DCN: variants seen among roughly 807,000 people sequenced by gnomAD.
DCN encodes bone proteoglycan II.
In DCN, 17 loss-of-function variants were observed where a neutral mutation model predicts 36.5. That is an observed-to-expected ratio of 0.47 (90% CI 0.32 to 0.70). The LOEUF (loss-of-function observed/expected upper bound fraction) is 0.70, where lower values mean the gene tolerates loss of function less well. Among genes scored for constraint, DCN ranks in the 30% least tolerant of loss-of-function variants. DCN has a pLI of 0.04. For synonymous variants in DCN, 163 were observed against 161.4 expected (o/e 1.01, Z -0.07); for missense variants, 389 against 430.1 (o/e 0.90, Z 0.84).
At chr12:91,170,429 G>A (rs1882888256) in intron 2 of DCN, among the ~76,000 whole-genome samples, 1 of 152,160 alleles carries the variant, frequency 6.6e-6, no homozygotes, top group South Asian at 2.1e-4. Context: ...TGTCTTGACA[G>A]TTATTTCCTG....
chr12:91,174,271 G>T (rs1279329274), intron 2 of DCN, among the ~76,000 whole-genome samples: 1 of 152,024 alleles, frequency 6.6e-6, no homozygotes, highest in Non-Finnish European at 1.5e-5. Flanking sequence ...CTTTAGAGAG[G>T]TGGAGAGAGA....
chr12:91,157,025 A>C (rs375956828), intron 5 of DCN, 50 bp downstream of exon 5: 3 of 1,342,652 alleles, frequency 2.2e-6, no homozygotes, highest in Non-Finnish European at 3.2e-6. Flanking sequence ...TTTTTAATTA[A>C]AGCCTTTGAA....
rs1173744508 is a variant in DCN at position 91,143,741 on chromosome 12, A to G, written c.*2317T>C. 1 of 151,566 alleles carries G rather than the reference A, an allele frequency of 6.6e-6. No individual in the cohort carries two copies. The highest frequency in any genetic ancestry group is 2.4e-5 in the African/African-American group (1 of 41,306). The allele number at this position is 151,566 out of a possible 1,614,324, so 9.4% of individuals were successfully genotyped here. Reference sequence around the variant, plus strand: ...TAGTCATGCAAATAGTAAGTGTCGAAGCCAAAGAAATCAGCTATATTTATC... The same window carrying G: ...TAGTCATGCAAATAGTAAGTGTCGAGGCCAAAGAAATCAGCTATATTTATC... On this transcript the variant is annotated 3_prime_UTR_variant, in exon 8 of 8. Transcript: ENST00000052754.
At position 91,178,327 on chromosome 12, in the gene DCN, C is replaced by T. The variant is rs768166776; in HGVS notation, c.211+15G>A. The T allele has an allele frequency of 6.2e-7, 1 of 1,608,158 alleles. No individual in the cohort carries two copies. The highest frequency in any genetic ancestry group is 8.5e-7 in the Non-Finnish European group (1 of 1,175,092). On this transcript the variant is annotated intron_variant, in intron 2 of 7. Transcript: ENST00000052754. ...AACAAGTAAGGTAGGTAAAGAGAAA[C>T]TGCATCCCACTCACCCAAATCAGAA...
rs752982055 is a variant in DCN, at chr12:91,153,188, A to T, written c.654T>A (p.Gly218=). 2 of 1,561,974 alleles carry T rather than the reference A, an allele frequency of 1.3e-6. No individual in the cohort carries two copies. The highest frequency in any genetic ancestry group is 1.8e-6 in the Non-Finnish European group (2 of 1,132,762). Residue 218 remains glycine, a splice_region_variant and synonymous_variant, in exon 6 of 8, where the codon GGT becomes GGA. Transcript: ENST00000052754. ...ADTNITSIPQ[G]LPPSLTELHL... is the part of the protein sequence containing the mutation. ...GTAATTCCGTAAGGGAAGGAGGAAG[A>T]CCTGGAATGTGGAATTAAAGATGTT...
chr12:91,141,757 A>G lies in DCN; in HGVS notation c.*4301T>C, dbSNP rs1326335178. 4 of 152,168 alleles carry G rather than the reference A, an allele frequency of 2.6e-5. No homozygotes were observed. Among genetic ancestry groups the G allele is most frequent in the Non-Finnish European group, 5.9e-5 (4 of 68,034 alleles). 9.4% of individuals were successfully genotyped at this position (152,168 alleles called of 1,614,324 possible). The stretch of plus-strand genomic sequence containing the variant: ...TGCTTGTTCCTGATGGCCTGGAAGC[A>G]TTCATTCAGCCCTCACAGTCACTGC... On this transcript the variant is annotated 3_prime_UTR_variant, in exon 8 of 8. Transcript: ENST00000052754.
chr12:91,154,933 G>A (rs978128301), intron 5 of DCN, among the ~76,000 whole-genome samples: 6 of 152,018 alleles, frequency 3.9e-5, no homozygotes, highest in African/African-American at 1.4e-4. Flanking sequence ...ACTGAGTTAG[G>A]TCTCTCACCC....
chr12:91,170,075 A>G (rs1007093155), intron 2 of DCN, among the ~76,000 whole-genome samples: 16 of 151,948 alleles, frequency 1.1e-4, no homozygotes, highest in East Asian at 3.9e-4. Context: ...AAAAAAAAAA[A>G]AAAGAAAAAG....
Position 91,145,797 on chromosome 12 carries a change from A to G in DCN, c.*261T>C, listed in dbSNP as rs1043714633. 1 of 477,198 alleles carries G rather than the reference A, an allele frequency of 2.1e-6. No individual in the cohort carries two copies. Among genetic ancestry groups the G allele is most frequent in the Non-Finnish European group, 3.8e-6 (1 of 263,748 alleles). The allele number at this position is 477,198 out of a possible 1,614,324, so 29.6% of individuals were successfully genotyped here. On this transcript the variant is annotated 3_prime_UTR_variant, in exon 8 of 8. Coordinates refer to ENST00000052754, the MANE Select transcript of DCN (RefSeq NM_001920.5). The stretch of plus-strand genomic sequence containing the variant: ...CATATATATTTACTCCAAATTTTAC[A>G]TTTAGTGAAATAAGAATATCTCTAG...
chr12:91,152,300 C>CATATATATAT (rs139523647), intron 6 of DCN, among the ~76,000 whole-genome samples: 13 of 146,510 alleles, frequency 8.9e-5, no homozygotes, highest in African/African-American at 3.4e-4. Context: ...CACACACATG[C>CATATATATAT]ATATATATAT....
At position 91,145,352 on chromosome 12, in the gene DCN, G is replaced by T. The variant is rs146706115; in HGVS notation, c.*706C>A. 6.5e-6 allele frequency: 1 copy of T among 153,182 alleles called. No homozygotes were observed. The highest frequency in any genetic ancestry group is 1.5e-5 in the Non-Finnish European group (1 of 68,520). The allele number at this position is 153,182 out of a possible 1,614,324, so 9.5% of individuals were successfully genotyped here. A position where few individuals can be genotyped will look rare whatever the true frequency, so the allele number is the denominator to read the frequency against. On this transcript the variant is annotated 3_prime_UTR_variant, in exon 8 of 8. Transcript: ENST00000052754. ...GAAATGTATGCTTTGTGCTTTATAA[G>T]CTTACATTCAACATAGATGACATAA...
chr12:91,157,815 AG>A (rs1881892601), intron 4 of DCN, among the ~76,000 whole-genome samples: 1 of 152,048 alleles, frequency 6.6e-6, no homozygotes. Context: ...TTTTTAGTAG[AG>A]ATGGGGTTTC....
chr12:91,177,780 TAAAG>T (rs1472715044), intron 2 of DCN: 2 of 683,968 alleles, frequency 2.9e-6, no homozygotes, highest in African/African-American at 3.5e-5. Flanking sequence ...ATGTCAAAAG[TAAAG>T]ACAAAACTAA....
intron 1 of DCN, among the ~76,000 whole-genome samples, chr12:91,178,966 A>G (rs1883461798): frequency 1.3e-5 from 2 of 152,108 alleles, no homozygotes; most frequent in South Asian, 4.1e-4. Context: ...GGAGATCTCC[A>G]ATTTCTGCTT....
Position 91,142,138 on chromosome 12 carries a change from G to C in DCN, c.*3920C>G, listed in dbSNP as rs1196185018. ...CTTGAATACATAAACAGATCCACTA[G>C]AAGGAATGTTTTAGCAATAAGTGTG... On this transcript the variant is annotated 3_prime_UTR_variant, in exon 8 of 8. Transcript: ENST00000052754. The C allele has an allele frequency of 6.6e-6, 1 of 152,158 alleles. No homozygotes were observed. Among genetic ancestry groups the C allele is most frequent in the African/African-American group, 2.4e-5 (1 of 41,432 alleles). 9.4% of individuals were successfully genotyped at this position (152,158 alleles called of 1,614,324 possible). A position where few individuals can be genotyped will look rare whatever the true frequency, so the allele number is the denominator to read the frequency against.
intron 2 of DCN, among the ~76,000 whole-genome samples, chr12:91,173,567 G>A (rs534744275): frequency 6.6e-6 from 1 of 152,188 alleles, no homozygotes; most frequent in South Asian, 2.1e-4. Flanking sequence ...CAATCCAGTG[G>A]TCATACTCTG....
chr12:91,155,620 AT>A (rs1881718095), intron 5 of DCN, among the ~76,000 whole-genome samples: 1 of 124,636 alleles, frequency 8.0e-6, no homozygotes, highest in African/African-American at 3.5e-5. Context: ...AATAAGATCT[AT>A]CTATCTATCT....
chr12:91,165,121 TTACTC>T (rs1251065859), intron 2 of DCN, among the ~76,000 whole-genome samples: 1 of 152,216 alleles, frequency 6.6e-6, no homozygotes, highest in Non-Finnish European at 1.5e-5. Context: ...GTGTCAATAA[TTACTC>T]TAGCCAAATC....
At chr12:91,176,305 G>C (rs1295662413) in intron 2 of DCN, 1 of 151,848 alleles carries the variant, frequency 6.6e-6, no homozygotes, top group African/African-American at 2.4e-5. Flanking sequence ...TATAATTTTA[G>C]CTACTTCCTT....
Sources: allele counts gnomAD v4.1 joint callset (sites outside exome capture counted in the v4.1 genomes callset), GRCh38; gene constraint gnomAD v4.1.1; transcripts MANE v1.5; gene names NCBI Gene and HGNC (gene_info 2026-07-23, HGNC 2026-07-21).